TMTC1: variants seen among roughly 807,000 people sequenced by gnomAD.
TMTC1 encodes the protein transmembrane O-mannosyltransferase targeting cadherins 1, also known as protein O-mannosyl-transferase TMTC1.
Under a neutral mutation model 104.8 loss-of-function variants are expected in TMTC1, and 73 were observed. That is an observed-to-expected ratio of 0.70 (90% CI 0.58 to 0.85). TMTC1 has a LOEUF of 0.85. TMTC1 is among the 40% of genes least tolerant of loss of function. The pLI is 0.00. For missense variants in TMTC1, 1,035 were observed against 1,096.1 expected (o/e 0.94, Z 0.79); for synonymous variants, 434 against 428.7 (o/e 1.01, Z -0.15).
chr12:29,672,423 A>T (rs924584101), intron 5 of TMTC1, among the ~76,000 whole-genome samples: 1 of 152,098 alleles, frequency 6.6e-6, no homozygotes, highest in Non-Finnish European at 1.5e-5. Flanking sequence ...TCTCTCCTTC[A>T]TCTCTTGCAT....
chr12:29,633,192 C>T lies in TMTC1; in HGVS notation c.1083G>A (p.Ala361=), dbSNP rs751275421. 20 of 1,613,814 alleles carry T rather than the reference C, an allele frequency of 1.2e-5. No homozygotes were observed. The highest frequency in any genetic ancestry group is 1.7e-5 in the Admixed American group (1 of 59,958). Reference sequence around the variant, plus strand: ...GCAGGCTCAATAAGGCCATCACAACCGCCAGAAAGATGGTGGCTAAGTTCC... The same window carrying T: ...GCAGGCTCAATAAGGCCATCACAACTGCCAGAAAGATGGTGGCTAAGTTCC... ...DMRNLATIFL[A]VVMALLSLHC... The change falls in exon 6 of 18, where the codon GCG becomes GCA. Residue 361 remains alanine, a synonymous_variant. Coordinates refer to ENST00000539277, the MANE Select transcript of TMTC1 (RefSeq NM_001193451.2).
chr12:29,600,010 T>TATA (rs71985661), intron 7 of TMTC1, among the ~76,000 whole-genome samples: 5,115 of 96,290 alleles, frequency 0.053, 340 homozygotes, highest in African/African-American at 0.19. Flanking sequence ...ATATATATAT[T>TATA]TTTTTTTTTT....
chr12:29,768,011 A>G lies in TMTC1; in HGVS notation c.367T>C (p.Cys123Arg). Residue 123 changes from cysteine to arginine, a missense_variant, in exon 2 of 18, where the codon TGC becomes CGC. Transcript: ENST00000539277. ...TACATCAGCACAAGAGTCACTAAGC[A>G]GTGTAAAATTATATTTACTGCATGA... Reference protein sequence around the residue: ...YFHAVNIILHCLVTLVLMYTC... With the variant: ...YFHAVNIILHRLVTLVLMYTC... 6.2e-7 allele frequency: 1 copy of G among 1,613,810 alleles called. No homozygotes were observed. The highest frequency in any genetic ancestry group is 8.5e-7 in the Non-Finnish European group (1 of 1,179,830).
intron 9 of TMTC1, among the ~76,000 whole-genome samples, chr12:29,559,037 G>T (rs1483723254): frequency 1.3e-5 from 2 of 152,202 alleles, no homozygotes; most frequent in Non-Finnish European, 2.9e-5. Context: ...ACCATCAGAA[G>T]ATTTAAGGGT....
intron 7 of TMTC1, among the ~76,000 whole-genome samples, chr12:29,600,132 C>A (rs1479202105): frequency 4.9e-5 from 7 of 141,740 alleles, no homozygotes; most frequent in African/African-American, 1.6e-4. Flanking sequence ...AAAAAAAAAA[C>A]ATTTTGAACA....
chr12:29,611,401 G>A (rs1359372234), intron 6 of TMTC1, among the ~76,000 whole-genome samples: 14 of 152,100 alleles, frequency 9.2e-5, no homozygotes, highest in Admixed American at 8.5e-4. Context: ...GTTATATTCT[G>A]CATAAGTGTG....
At chr12:29,566,733 C>T (rs12826911) in intron 9 of TMTC1, among the ~76,000 whole-genome samples, 8 of 152,294 alleles carry the variant, frequency 5.3e-5, no homozygotes, top group East Asian at 3.9e-4. Context: ...TCATTGCTTA[C>T]GGATATTGCT....
chr12:29,524,952 A>G (rs1215903087), intron 11 of TMTC1, among the ~76,000 whole-genome samples: 4 of 152,100 alleles, frequency 2.6e-5, no homozygotes, highest in Non-Finnish European at 5.9e-5. Context: ...ATGATAGCAG[A>G]AAAGTCTTGA....
Position 29,739,620 on chromosome 12 carries a change from G to A in TMTC1, c.938+12046C>T, listed in dbSNP as rs188152599. On this transcript the variant is annotated intron_variant, in intron 5 of 17. Transcript: ENST00000539277. The stretch of plus-strand genomic sequence containing the variant: ...TTTTGAGTCAGGGCACAGGAATTCT[G>A]TCTATTTCTTGCAGAGAACTGAACA... Among the ~76,000 whole-genome samples, 10 of 152,262 alleles carry A rather than the reference G, an allele frequency of 6.6e-5. No individual in the cohort carries two copies. In the East Asian group the frequency reaches 1.7e-3, roughly 26 times the overall value.
chr12:29,570,280 T>C (rs1380794372), intron 9 of TMTC1, among the ~76,000 whole-genome samples: 2 of 152,170 alleles, frequency 1.3e-5, no homozygotes, highest in African/African-American at 2.4e-5. Context: ...TAGATGTTCA[T>C]TGTGGAACAC....
chr12:29,505,513 A>G lies in TMTC1; in HGVS notation c.*1333T>C, dbSNP rs530561529. On this transcript the variant is annotated 3_prime_UTR_variant, in exon 18 of 18. Coordinates refer to ENST00000539277, the MANE Select transcript of TMTC1 (RefSeq NM_001193451.2). ...GGGACTGTTAAAACTTAACTATTTT[A>G]CAATTTAGATTTACATTTTATAAGA... 5 of 152,344 alleles carry G rather than the reference A, an allele frequency of 3.3e-5. No homozygotes were observed. The South Asian group carries it at 1.0e-3, about 32-fold the overall frequency. The allele number at this position is 152,344 out of a possible 1,614,324, so 9.4% of individuals were successfully genotyped here. A position where few individuals can be genotyped will look rare whatever the true frequency, so the allele number is the denominator to read the frequency against.
chr12:29,682,127 T>C (rs1489611633), intron 5 of TMTC1, among the ~76,000 whole-genome samples: 2 of 152,078 alleles, frequency 1.3e-5, no homozygotes, highest in South Asian at 4.1e-4. Context: ...ACAGAATATA[T>C]ACAAATAGCC....
intron 5 of TMTC1, among the ~76,000 whole-genome samples, chr12:29,681,536 G>T (rs1940919155): frequency 6.6e-6 from 1 of 152,142 alleles, no homozygotes; most frequent in Non-Finnish European, 1.5e-5. Flanking sequence ...GAGAAACCTT[G>T]AATGCACTCA....
At chr12:29,536,891 T>C (rs1488343198) in intron 10 of TMTC1, among the ~76,000 whole-genome samples, 1 of 152,240 alleles carries the variant, frequency 6.6e-6, no homozygotes, top group Non-Finnish European at 1.5e-5. Flanking sequence ...AGACATTTTA[T>C]CATCATATTT....
At chr12:29,678,792 A>T (rs1157387769) in intron 5 of TMTC1, among the ~76,000 whole-genome samples, 1 of 152,198 alleles carries the variant, frequency 6.6e-6, no homozygotes, top group Non-Finnish European at 1.5e-5. Flanking sequence ...CAGTATTTAC[A>T]AACACTACAT....
chr12:29,560,060 T>C (rs1317553990), intron 9 of TMTC1, among the ~76,000 whole-genome samples: 12 of 152,370 alleles, frequency 7.9e-5, no homozygotes, highest in Non-Finnish European at 1.8e-4. Flanking sequence ...AATTCAATCC[T>C]GATCTCTCCA....
At chr12:29,735,073 C>A (rs970490303) in intron 5 of TMTC1, among the ~76,000 whole-genome samples, 3 of 152,144 alleles carry the variant, frequency 2.0e-5, no homozygotes, top group Non-Finnish European at 2.9e-5. Flanking sequence ...CTAAGCTGAA[C>A]CTGGATTAGG....
At chr12:29,673,763 T>C (rs1940613849) in intron 5 of TMTC1, among the ~76,000 whole-genome samples, 3 of 141,502 alleles carry the variant, frequency 2.1e-5, no homozygotes, top group Non-Finnish European at 3.1e-5. Flanking sequence ...TTTTTTTTTT[T>C]TTTTTTCTTT....
At chr12:29,588,403 CA>C (rs1195890106) in intron 7 of TMTC1, among the ~76,000 whole-genome samples, 1 of 152,192 alleles carries the variant, frequency 6.6e-6, no homozygotes, top group Admixed American at 6.5e-5. Flanking sequence ...AGTGGCTGCT[CA>C]AGTTCATAAG....
Sources: allele counts gnomAD v4.1 joint callset (sites outside exome capture counted in the v4.1 genomes callset), GRCh38; gene constraint gnomAD v4.1.1; transcripts MANE v1.5; gene names NCBI Gene and HGNC (gene_info 2026-07-23, HGNC 2026-07-21).